The following IGFN1 variants were observed in gnomAD, a reference collection of about 807,000 sequenced individuals.
IGFN1 encodes the protein immunoglobulin-like and fibronectin type III domain-containing protein 1.
A neutral mutation model predicts 289.5 loss-of-function variants in IGFN1; 253 were observed. The ratio of observed to expected loss-of-function variants is 0.87; its 90% confidence interval spans 0.79 to 0.97. The LOEUF (loss-of-function observed/expected upper bound fraction) is 0.97, where lower values mean the gene tolerates loss of function less well. Ranked by LOEUF, IGFN1 falls within the 50% of genes least tolerant of loss-of-function variation. IGFN1 has a pLI of 0.00. For missense variants in IGFN1, 4,470 were observed against 4,686.1 expected (o/e 0.95, Z 1.35); for synonymous variants, 1,706 against 1,788.5 (o/e 0.95, Z 1.16).
In IGFN1 at chr1:201,206,827, G is replaced by A. The variant is rs1393677982; in HGVS notation, c.1934G>A (p.Ser645Asn). ...LAEMDRGDAPSRERGRGIVVW... is the reference protein window; with the variant it reads ...LAEMDRGDAPNRERGRGIVVW... ...GAGATGGACAGAGGGGATGCTCCAA[G>A]TAGGGAAAGGGGGAGAGGAATAGTA... The change falls in exon 12 of 24, where the codon AGT becomes AAT. Residue 645 changes from serine (S) to asparagine (N), a missense_variant. Coordinates refer to ENST00000335211, the MANE Select transcript of IGFN1 (RefSeq NM_001164586.2). 1 of 1,536,970 alleles carries A rather than the reference G, an allele frequency of 6.5e-7. No homozygotes were observed. Among genetic ancestry groups the A allele is most frequent in the Admixed American group, 2.0e-5 (1 of 50,988 alleles).
At chr1:201,193,602 C>A (rs1296139292) in intron 2 of IGFN1, among the ~76,000 whole-genome samples, 1 of 152,156 alleles carries the variant, frequency 6.6e-6, no homozygotes, top group Non-Finnish European at 1.5e-5. Context: ...CAGGTGCCTG[C>A]CACCATGCCT....
At chr1:201,214,364 G>A in intron 13 of IGFN1, 63 bp downstream of exon 13, 2 of 1,512,046 alleles carry the variant, frequency 1.3e-6, no homozygotes, top group Admixed American at 1.9e-5. Flanking sequence ...GCAGAGAGGG[G>A]CAAGAGCGTA....
rs1030377435 is a variant in IGFN1 at position 201,215,687 on chromosome 1, C to T, written c.9144C>T (p.Gly3048=). The T allele has an allele frequency of 1.9e-6, 3 of 1,613,710 alleles. No homozygotes were observed. The highest frequency in any genetic ancestry group is 2.7e-5 in the African/African-American group (2 of 74,916). ...AWRKDGAEVV[G]SSDREAQVDL... is the part of the protein sequence containing the mutation. ...GGAAGGACGGGGCTGAGGTGGTGGG[C>T]AGCAGTGACAGGGAGGCCCAGGTGG... Residue 3048 remains glycine (G), a synonymous_variant, in exon 15 of 24, where the codon GGC becomes GGT. Transcript: ENST00000335211.
intron 7 of IGFN1, among the ~76,000 whole-genome samples, chr1:201,199,889 T>G (rs529119009): frequency 6.6e-6 from 1 of 152,218 alleles, no homozygotes; most frequent in East Asian, 1.9e-4. Context: ...CTCCTCTGAT[T>G]TCCTCATTTG....
Position 201,207,517 on chromosome 1 carries a change from G to A in IGFN1, c.2624G>A (p.Gly875Glu), listed in dbSNP as rs756222563. ...QEGMGGIWVA[G>E]LTESGQGVDA... ...GGTATGGGTGGTATCTGGGTGGCTG[G>A]ACTGACGGAGTCTGGTCAGGGGGTG... The change falls in exon 12 of 24, where the codon GGA (glycine) becomes GAA (glutamate). Residue 875 changes from glycine to glutamate, a missense_variant. Around this residue, in one of 8 missense-constraint regions of IGFN1, gnomAD observed 2,011 missense variants for 1,953.4 expected, o/e 1.03. Coordinates refer to ENST00000335211, the MANE Select transcript of IGFN1 (RefSeq NM_001164586.2). 2 of 1,536,150 alleles carry A rather than the reference G, an allele frequency of 1.3e-6. No homozygotes were observed. Among genetic ancestry groups the A allele is most frequent in the Non-Finnish European group, 8.7e-7 (1 of 1,146,412 alleles).
At position 201,222,783 on chromosome 1, in the gene IGFN1, A is replaced by G; in HGVS notation, c.10246A>G (p.Thr3416Ala). 4 of 1,613,354 alleles carry G rather than the reference A, an allele frequency of 2.5e-6. No homozygotes were observed. The highest frequency in any genetic ancestry group is 3.4e-6 in the Non-Finnish European group (4 of 1,179,530). The change falls in exon 20 of 24, where the codon ACA becomes GCA. Residue 3416 changes from threonine to alanine, a missense_variant. Thr to Ala is a moderately conservative substitution (Grantham distance 58, BLOSUM62 0). Transcript: ENST00000335211. ...LVDSSTKDLL[T>A]VKVGDTVRVP... is the part of the protein sequence containing the mutation. ...GGACTCCAGCACCAAGGACTTGCTG[A>G]CAGTCAAGGTCGGGGACACAGTTCG...
At chr1:201,202,014 C>T (rs1417235678) in intron 9 of IGFN1, among the ~76,000 whole-genome samples, 182 bp downstream of exon 9, 1 of 152,134 alleles carries the variant, frequency 6.6e-6, no homozygotes, top group African/African-American at 2.4e-5. Context: ...GACCATCCAT[C>T]CACAGGGACT....
chr1:201,200,718 A>C (rs1045497867), intron 8 of IGFN1, among the ~76,000 whole-genome samples: 4 of 151,590 alleles, frequency 2.6e-5, no homozygotes, highest in Non-Finnish European at 4.4e-5. Flanking sequence ...TTGTAGGGTT[A>C]TTGGGAGGAT....
chr1:201,222,844 G>A lies in IGFN1; in HGVS notation c.10290+17G>A, dbSNP rs1268757703. Reference sequence around the variant, plus strand: ...TCCTTTGAAGTGAGTGTACCTGCAGGGGTGTGGGGAGGGAAGCCCAGAGAG... The same window carrying A: ...TCCTTTGAAGTGAGTGTACCTGCAGAGGTGTGGGGAGGGAAGCCCAGAGAG... On this transcript the variant is annotated intron_variant, in intron 20 of 23. Coordinates refer to ENST00000335211, the MANE Select transcript of IGFN1 (RefSeq NM_001164586.2). 22 of 1,591,120 alleles carry A rather than the reference G, an allele frequency of 1.4e-5. No individual in the cohort carries two copies. Among genetic ancestry groups the A allele is most frequent in the Non-Finnish European group, 1.8e-5 (21 of 1,161,548 alleles).
In IGFN1 at chr1:201,200,337, G is replaced by T; in HGVS notation, c.559G>T (p.Gly187Cys). Reference protein sequence around the residue: ...KDYEKICLKYGIVDYRGMLRR... With the variant: ...KDYEKICLKYCIVDYRGMLRR... ...CTACGAGAAGATCTGCTTGAAGTAT[G>T]GCATCGTCGACTACCGTGGCATGTT... The change falls in exon 8 of 24, where the codon GGC becomes TGC. Residue 187 changes from glycine (G) to cysteine (C), a missense_variant. Coordinates refer to ENST00000335211, the MANE Select transcript of IGFN1 (RefSeq NM_001164586.2). The T allele has an allele frequency of 6.4e-7, 1 of 1,551,742 alleles. No homozygotes were observed.
At chr1:201,226,822 G>C in intron 22 of IGFN1, 60 bp from the exon 23 acceptor site, 1 of 1,320,936 alleles carries the variant, frequency 7.6e-7, no homozygotes, top group Non-Finnish European at 1.1e-6. Context: ...CCAGACCCGG[G>C]TCTCAGCCAG....
Position 201,224,832 on chromosome 1 carries a change from C to T in IGFN1, c.10444C>T (p.Gln3482Ter). ...CTACACTGTGGTGCTGAGGACCCTG[C>T]AGGGGAAGGAGGTTGCCCACAGCTT... ...GLYTVVLRTL[Q>*]GKEVAHSFRI... Residue 3482 changes from glutamine to a stop codon, truncating the protein, a stop_gained, in exon 21 of 24, where the codon CAG (glutamine) becomes TAG (stop). Coordinates refer to ENST00000335211, the MANE Select transcript of IGFN1 (RefSeq NM_001164586.2). LOFTEE classifies it high-confidence loss of function. 2 of 1,613,990 alleles carry T rather than the reference C, an allele frequency of 1.2e-6. No homozygotes were observed. The highest frequency in any genetic ancestry group is 1.1e-5 in the South Asian group (1 of 91,008).
chr1:201,223,070 C>G (rs1653841633), intron 20 of IGFN1: 1 of 364,872 alleles, frequency 2.7e-6, no homozygotes, highest in South Asian at 7.9e-5. Flanking sequence ...CCTGCAAATC[C>G]CTCTAGTGGT....
rs1667413016 is a variant in IGFN1, at chr1:201,206,234, G to A, written c.1341G>A (p.Gly447=). ...GCCCCAGGGGGGGCTCCCTTGAAGGGGCTGGGCCGGCTTCTGGGCTCCAGC... is the reference window on the plus strand; with the variant it reads ...GCCCCAGGGGGGGCTCCCTTGAAGGAGCTGGGCCGGCTTCTGGGCTCCAGC... ...EQGPRGGSLE[G]AGPASGLQHI... Residue 447 remains glycine, a synonymous_variant, in exon 12 of 24, where the codon GGG becomes GGA. Transcript: ENST00000335211. The A allele has an allele frequency of 5.8e-6, 9 of 1,547,754 alleles. No homozygotes were observed. Among genetic ancestry groups the A allele is most frequent in the Non-Finnish European group, 7.9e-6 (9 of 1,145,732 alleles).
Position 201,194,213 on chromosome 1 carries a change from C to A in IGFN1, c.67C>A (p.Pro23Thr). Residue 23 changes from proline to threonine, a missense_variant, in exon 3 of 24, where the codon CCT becomes ACT. Transcript: ENST00000335211. ...VSIWQLVEEI[P>T]EGCSTPDFEQ... ...CATCTGGCAGCTGGTGGAGGAGATC[C>A]CTGAAGGCTGCAGCACGCCGGACTT... 5 of 1,551,620 alleles carry A rather than the reference C, an allele frequency of 3.2e-6. No homozygotes were observed. The highest frequency in any genetic ancestry group is 4.4e-6 in the Non-Finnish European group (5 of 1,146,960).
intron 8 of IGFN1, among the ~76,000 whole-genome samples, chr1:201,200,832 CTT>C (rs71564140): frequency 8.3e-5 from 7 of 84,232 alleles, no homozygotes; most frequent in Admixed American, 3.3e-4. Flanking sequence ...TTATTTCTTT[CTT>C]TTTTTTTTTT....
At position 201,216,621 on chromosome 1, in the gene IGFN1, C is replaced by CA. The variant is rs1653318708; in HGVS notation, c.9463_9464insA (p.Pro3155HisfsTer3). 6.2e-7 allele frequency: 1 copy of CA among 1,613,786 alleles called. No homozygotes were observed. Among genetic ancestry groups the CA allele is most frequent in the African/African-American group, 1.3e-5 (1 of 74,922 alleles). ...CACTTGGCTGAAGGTGGGCGAGGCC[C>CA]CCGCTGACAGCACCACCTTCACGGA... is the stretch of plus-strand genomic sequence containing the variant. On this transcript the variant is annotated frameshift_variant, in exon 16 of 24. Coordinates refer to ENST00000335211, the MANE Select transcript of IGFN1 (RefSeq NM_001164586.2). LOFTEE classifies it high-confidence loss of function.
chr1:201,192,241 A>G, intron 1 of IGFN1, among the ~76,000 whole-genome samples: 1 of 152,196 alleles, frequency 6.6e-6, no homozygotes, highest in Non-Finnish European at 1.5e-5. Flanking sequence ...AATGATCTCC[A>G]TGGGAGAGAG....
In IGFN1 at chr1:201,194,477, T is replaced by C. The variant is rs576640863; in HGVS notation, c.127+204T>C. ...CAAGAGGCCTGGGGAAAAGAGTGGATAAAGAGAGTGAAGAGACACCATGCT... is the reference window on the plus strand; with the variant it reads ...CAAGAGGCCTGGGGAAAAGAGTGGACAAAGAGAGTGAAGAGACACCATGCT... On this transcript the variant is annotated intron_variant, in intron 3 of 23. Transcript: ENST00000335211. Among the ~76,000 whole-genome samples the C allele has an allele frequency of 2.6e-5, 4 of 152,226 alleles. No homozygotes were observed. In the South Asian group the frequency reaches 8.3e-4, roughly 32 times the overall value.
Sources: allele counts gnomAD v4.1 joint callset (sites outside exome capture counted in the v4.1 genomes callset), GRCh38; gene constraint gnomAD v4.1.1; regional missense constraint gnomAD v4.1.1; transcripts MANE v1.5; gene names NCBI Gene and HGNC (gene_info 2026-07-23, HGNC 2026-07-21).